The following NDUFA10 variants were observed in gnomAD, a reference collection of about 807,000 sequenced individuals.
NDUFA10 encodes NADH:ubiquinone oxidoreductase subunit A10, also known as NADH dehydrogenase [ubiquinone] 1 alpha subcomplex subunit 10, mitochondrial.
In NDUFA10, 40 loss-of-function variants were observed where a neutral mutation model predicts 47.8. The observed-to-expected ratio is 0.84, with a 90% CI of 0.65 to 1.09. The LOEUF is 1.09. Among genes scored for constraint, NDUFA10 ranks in the 50% least tolerant of loss-of-function variants. NDUFA10 has a pLI of 0.00. For missense variants in NDUFA10, 413 were observed against 451.1 expected, an observed-to-expected ratio of 0.92 and a Z score of 0.76; for synonymous variants, 183 against 172.2, an observed-to-expected ratio of 1.06 and a Z score of -0.49.
At chr2:239,918,988 G>T (rs981469636) in intron 4 of NDUFA10, among the ~76,000 whole-genome samples, 5 of 152,176 alleles carry the variant, frequency 3.3e-5, no homozygotes, top group African/African-American at 9.7e-5. Flanking sequence ...CACAGTAACC[G>T]GCTGCTTCCA....
intron 9 of NDUFA10, among the ~76,000 whole-genome samples, chr2:239,989,590 G>A (rs1696160360): frequency 6.6e-6 from 1 of 152,202 alleles, no homozygotes; most frequent in African/African-American, 2.4e-5. Context: ...TCACTAAGAA[G>A]GTATGGCAAT....
chr2:240,003,976 C>T (rs890040552), intron 8 of NDUFA10, among the ~76,000 whole-genome samples: 1 of 152,178 alleles, frequency 6.6e-6, no homozygotes, highest in Non-Finnish European at 1.5e-5. Flanking sequence ...GTGGTATCCA[C>T]GCTATCCACA....
chr2:239,969,400 A>G, intron 9 of NDUFA10: 1 of 247,780 alleles, frequency 4.0e-6, no homozygotes, highest in Non-Finnish European at 8.3e-6. Context: ...TACTGCAGGG[A>G]GGAAAGTGTG....
At chr2:239,897,567 T>C (rs907549179) in intron 4 of NDUFA10, among the ~76,000 whole-genome samples, 2 of 152,184 alleles carry the variant, frequency 1.3e-5, no homozygotes, top group African/African-American at 4.8e-5. Flanking sequence ...CAAGTGTCTG[T>C]TATATTTTGA....
At chr2:239,966,664 T>C (rs1274386587) in intron 9 of NDUFA10, among the ~76,000 whole-genome samples, 1 of 151,988 alleles carries the variant, frequency 6.6e-6, no homozygotes, top group Non-Finnish European at 1.5e-5. Context: ...ACATGATGAT[T>C]TTCCTGACCC....
rs112868002 is a variant in NDUFA10, at chr2:239,992,800, AC to A, written c.891-2619del. On this transcript the variant is annotated intron_variant, in intron 8 of 9. Coordinates refer to ENST00000252711, the MANE Select transcript of NDUFA10 (RefSeq NM_004544.4). Reference sequence around the variant, plus strand: ...TGCCTCTCAGCACAAGCATAGCTATACACATACACATAATTAGACACTGGCA... The same window carrying A: ...TGCCTCTCAGCACAAGCATAGCTATAACATACACATAATTAGACACTGGCA... 4.3e-3 allele frequency among the ~76,000 whole-genome samples: 658 copies of A among 152,372 alleles called. 13 individuals are homozygous for A. Among genetic ancestry groups the A allele is most frequent in the East Asian group, 0.043 (222 of 5,192 alleles).
At chr2:239,983,530 A>AT (rs1419024585) in intron 9 of NDUFA10, 3 of 1,602,332 alleles carry the variant, frequency 1.9e-6, no homozygotes, top group Non-Finnish European at 2.6e-6. Flanking sequence ...ACAAAGGAAC[A>AT]TAAAGGCTGT....
At chr2:239,898,343 C>T (rs538752664) in intron 4 of NDUFA10, among the ~76,000 whole-genome samples, 1 of 152,330 alleles carries the variant, frequency 6.6e-6, no homozygotes, top group African/African-American at 2.4e-5. Flanking sequence ...CAGCCTGCGC[C>T]CGGGGCTGTT....
chr2:239,991,878 T>A (rs753807901), intron 8 of NDUFA10, among the ~76,000 whole-genome samples: 5 of 152,222 alleles, frequency 3.3e-5, no homozygotes, highest in Non-Finnish European at 7.3e-5. Context: ...GGACCATGTG[T>A]AGTATAGAGA....
intron 8 of NDUFA10, among the ~76,000 whole-genome samples, chr2:240,004,086 C>G (rs1189619195): frequency 6.6e-6 from 1 of 152,026 alleles, no homozygotes; most frequent in African/African-American, 2.4e-5. Context: ...GCAGAAGGAA[C>G]CAGAAAAAGA....
Position 239,946,328 on chromosome 2 carries a change from G to A in NDUFA10, c.294+43746C>T, listed in dbSNP as rs542730542. 3.9e-5 allele frequency among the ~76,000 whole-genome samples: 6 copies of A among 152,322 alleles called. No homozygotes were observed. In the East Asian group the frequency reaches 9.7e-4, roughly 25 times the overall value. ...GGGGAGATGGGTGCAGTGATGAGCT[G>A]GGAGGGTTTCCGAAGGGTAGTGTGT... On this transcript the variant is annotated intron_variant, in intron 4 of 5. Transcript: ENST00000419408.
intron 4 of NDUFA10, among the ~76,000 whole-genome samples, chr2:239,935,826 A>G (rs1483547589): frequency 6.6e-6 from 1 of 152,090 alleles, no homozygotes; most frequent in African/African-American, 2.4e-5. Flanking sequence ...TTCTGCCATG[A>G]TTGTGAGGCC....
chr2:239,943,475 C>T (rs1159073703), intron 4 of NDUFA10, among the ~76,000 whole-genome samples: 1 of 152,204 alleles, frequency 6.6e-6, no homozygotes, highest in South Asian at 2.1e-4. Context: ...GTTGGGATTA[C>T]AGGCGTGAGC....
intron 9 of NDUFA10, among the ~76,000 whole-genome samples, chr2:239,989,530 G>A (rs904825367): frequency 6.6e-6 from 1 of 152,236 alleles, no homozygotes. Flanking sequence ...GGTTCCCAGC[G>A]AAACTTACAC....
rs922833501 is a variant in NDUFA10, at chr2:239,928,583, G to A, written c.295-33269C>T. Among the ~76,000 whole-genome samples the A allele has an allele frequency of 3.9e-5, 6 of 152,076 alleles. No homozygotes were observed. Among genetic ancestry groups the A allele is most frequent in the African/African-American group, 1.4e-4 (6 of 41,396 alleles). On this transcript the variant is annotated intron_variant, in intron 4 of 5. Coordinates refer to the NDUFA10 transcript ENST00000419408. The surrounding 1 kb of genome is among the most constrained non-coding windows in gnomAD (Gnocchi z 4.3). ...CCTGGAGCTGTGACAGCGACATCTCGTTTCCAACTATGCTCTCCCCACAGG... is the reference window on the plus strand; with the variant it reads ...CCTGGAGCTGTGACAGCGACATCTCATTTCCAACTATGCTCTCCCCACAGG...
chr2:239,993,672 A>C (rs1440341420), intron 8 of NDUFA10, among the ~76,000 whole-genome samples: 1 of 152,228 alleles, frequency 6.6e-6, no homozygotes, highest in Non-Finnish European at 1.5e-5. Flanking sequence ...TGAAGAAATA[A>C]AGAGGCAGAG....
chr2:240,005,666 C>T lies in NDUFA10; in HGVS notation c.805-371G>A, dbSNP rs143914404. On this transcript the variant is annotated intron_variant, in intron 7 of 9. Coordinates refer to ENST00000252711, the MANE Select transcript of NDUFA10 (RefSeq NM_004544.4). ...GCCACCATGGCTGGCCAAGAGGTAA[C>T]ATTTTAATACATTATAAGCTATGAA... Among the ~76,000 whole-genome samples, 410 of 152,266 alleles carry T rather than the reference C, an allele frequency of 2.7e-3. 1 individual carries two copies. Among genetic ancestry groups the T allele is most frequent in the Middle Eastern group, 6.8e-3 (2 of 294 alleles).
At chr2:239,934,994 C>G (rs1188428838) in intron 4 of NDUFA10, among the ~76,000 whole-genome samples, 1 of 152,206 alleles carries the variant, frequency 6.6e-6, no homozygotes, top group Non-Finnish European at 1.5e-5. Flanking sequence ...CCCACAGCCT[C>G]AGAACCACCT....
intron 4 of NDUFA10, among the ~76,000 whole-genome samples, chr2:240,015,987 T>C (rs1261873968): frequency 6.6e-6 from 1 of 152,146 alleles, no homozygotes; most frequent in African/African-American, 2.4e-5. Context: ...TGAAATCCCA[T>C]GTCTACCAAA....
Sources: gnomAD v4.1 joint callset for allele counts (sites outside exome capture counted in the v4.1 genomes callset) on GRCh38, gnomAD v4.1.1 for gene constraint, Gnocchi (gnomAD v3.1) non-coding constraint, MANE v1.5 for transcripts, NCBI Gene and HGNC (gene_info 2026-07-23, HGNC 2026-07-21) for gene names.